The following HSPBAP1 variants were observed in gnomAD, a reference collection of about 807,000 sequenced individuals.
HSPBAP1 encodes HSPB1-associated protein 1.
In HSPBAP1, 27 loss-of-function variants were observed where a neutral mutation model predicts 45.2. That is an observed-to-expected ratio of 0.60 (90% CI 0.44 to 0.82). The LOEUF (loss-of-function observed/expected upper bound fraction) is 0.82, where lower values mean the gene tolerates loss of function less well. Among genes scored for constraint, HSPBAP1 ranks in the 40% least tolerant of loss-of-function variants. The pLI is 0.00. For synonymous variants in HSPBAP1, 204 were observed against 202.7 expected (o/e 1.01, Z -0.06); for missense variants, 510 against 590.9 (o/e 0.86, Z 1.42).
At position 122,753,587 on chromosome 3, in the gene HSPBAP1, C is replaced by A. The variant is rs7632312; in HGVS notation, c.742-913G>T. On this transcript the variant is annotated intron_variant, in intron 5 of 7. Transcript: ENST00000306103. ...AGAGTCAAGAAGGATGGCATCTATCCAGACTCAGTATGAGATTTCCTATTA... is the reference window on the plus strand; with the variant it reads ...AGAGTCAAGAAGGATGGCATCTATCAAGACTCAGTATGAGATTTCCTATTA... 9,036 of 984,084 alleles carry A rather than the reference C, an allele frequency of 9.2e-3. 634 individuals are homozygous for A. In the African/African-American group the frequency reaches 0.14, roughly 16 times the overall value. The allele number at this position is 984,084 out of a possible 1,614,324, so 61.0% of individuals were successfully genotyped here. A position where few individuals can be genotyped will look rare whatever the true frequency, so the allele number is the denominator to read the frequency against.
At chr3:122,780,610 C>A in intron 1 of HSPBAP1, among the ~76,000 whole-genome samples, 1 of 147,790 alleles carries the variant, frequency 6.8e-6, no homozygotes, top group Non-Finnish European at 1.5e-5. Context: ...GGGGCTGACC[C>A]CCCCACATCC....
intron 2 of HSPBAP1, among the ~76,000 whole-genome samples, chr3:122,772,877 G>C (rs1935050163): frequency 6.6e-6 from 1 of 151,640 alleles, no homozygotes; most frequent in Admixed American, 6.6e-5. Context: ...TTTATTTCTA[G>C]AGGCAGGGTC....
chr3:122,747,619 T>C (rs375217489), intron 6 of HSPBAP1, among the ~76,000 whole-genome samples: 9 of 130,724 alleles, frequency 6.9e-5, no homozygotes, highest in African/African-American at 2.0e-4. Flanking sequence ...CCGCCCCATC[T>C]GGGAGGGAGG....
chr3:122,784,843 A>C (rs1449305568), intron 1 of HSPBAP1, among the ~76,000 whole-genome samples: 1 of 152,256 alleles, frequency 6.6e-6, no homozygotes, highest in Non-Finnish European at 1.5e-5. Flanking sequence ...CACAGGCATC[A>C]TAACAATACC....
At chr3:122,756,628 T>C (rs1434105058) in intron 4 of HSPBAP1, among the ~76,000 whole-genome samples, 1 of 151,324 alleles carries the variant, frequency 6.6e-6, no homozygotes, top group Non-Finnish European at 1.5e-5. Context: ...AGCCCAGGAG[T>C]TCGAGGAAGC....
At chr3:122,765,114 T>C (rs1039385602) in intron 3 of HSPBAP1, among the ~76,000 whole-genome samples, 1 of 152,208 alleles carries the variant, frequency 6.6e-6, no homozygotes, top group African/African-American at 2.4e-5. Context: ...AGAATTAAGG[T>C]GTTTATCAAG....
chr3:122,747,660 G>T (rs372951823), intron 6 of HSPBAP1, among the ~76,000 whole-genome samples: 3 of 122,716 alleles, frequency 2.4e-5, no homozygotes, highest in Admixed American at 8.2e-5. Context: ...CCGGCCAGCC[G>T]CCCCGTCCGG....
intron 6 of HSPBAP1, among the ~76,000 whole-genome samples, chr3:122,746,768 TCGGC>T (rs1041731854): frequency 2.6e-5 from 4 of 152,062 alleles, no homozygotes; most frequent in African/African-American, 9.7e-5. Flanking sequence ...TTCTCCTGCC[TCGGC>T]CTGCCGAGTG....
intron 3 of HSPBAP1, among the ~76,000 whole-genome samples, chr3:122,764,631 T>C (rs1043524894): frequency 3.3e-5 from 5 of 152,206 alleles, no homozygotes; most frequent in African/African-American, 1.2e-4. Context: ...ATTAATCTTA[T>C]TATTTTTTAG....
At chr3:122,783,690 A>G (rs1935564091) in intron 1 of HSPBAP1, among the ~76,000 whole-genome samples, 1 of 152,202 alleles carries the variant, frequency 6.6e-6, no homozygotes, top group African/African-American at 2.4e-5. Flanking sequence ...AAGTTGGGTG[A>G]CTGCAGTTAA....
chr3:122,776,274 T>C (rs920133861), intron 2 of HSPBAP1, among the ~76,000 whole-genome samples: 12 of 152,262 alleles, frequency 7.9e-5, no homozygotes, highest in Non-Finnish European at 1.8e-4. Flanking sequence ...TTTTATGTTA[T>C]GTGGATTTTA....
At chr3:122,783,361 C>T (rs1425186159) in intron 1 of HSPBAP1, among the ~76,000 whole-genome samples, 1 of 152,202 alleles carries the variant, frequency 6.6e-6, no homozygotes, top group Non-Finnish European at 1.5e-5. Flanking sequence ...TGCACCAAAT[C>T]TTCCTGGACT....
At chr3:122,781,427 T>C (rs926159403) in intron 1 of HSPBAP1, among the ~76,000 whole-genome samples, 1 of 146,984 alleles carries the variant, frequency 6.8e-6, no homozygotes, top group African/African-American at 2.5e-5. Context: ...TGGCGGCGCG[T>C]GCCTGCAATC....
At chr3:122,753,098 G>A (rs1934217642) in intron 5 of HSPBAP1, 2 of 582,792 alleles carry the variant, frequency 3.4e-6, no homozygotes, top group East Asian at 1.5e-4. Context: ...GTATAGAAAG[G>A]TGGCATTATA....
intron 1 of HSPBAP1, among the ~76,000 whole-genome samples, chr3:122,781,185 T>C (rs1282890746): frequency 2.6e-5 from 4 of 151,224 alleles, no homozygotes; most frequent in African/African-American, 9.7e-5. Flanking sequence ...TCTCGGCACT[T>C]TGGGAGGCCA....
chr3:122,755,089 A>C (rs1934296049), intron 5 of HSPBAP1, 171 bp downstream of exon 5: 8 of 1,225,378 alleles, frequency 6.5e-6, no homozygotes, highest in East Asian at 3.2e-5. Context: ...GCAGAGGTGT[A>C]TGTGTCTGAA....
chr3:122,768,978 T>G, intron 2 of HSPBAP1, 96 bp from the exon 3 acceptor site: 1 of 923,094 alleles, frequency 1.1e-6, no homozygotes, highest in Non-Finnish European at 1.6e-6. Context: ...ACCAAAAAAT[T>G]AACTTTGAAG....
intron 2 of HSPBAP1, among the ~76,000 whole-genome samples, chr3:122,771,365 C>A (rs1392835456): frequency 1.3e-5 from 2 of 152,114 alleles, no homozygotes; most frequent in African/African-American, 4.8e-5. Flanking sequence ...TTTCATTTAA[C>A]GTTGAAGTAG....
Position 122,760,362 on chromosome 3 carries a change from CA to C in HSPBAP1, c.433-1003del, listed in dbSNP as rs1414503703. Among the ~76,000 whole-genome samples the C allele has an allele frequency of 8.4e-3, 1,152 of 137,398 alleles. 6 individuals are homozygous for C. Among genetic ancestry groups the C allele is most frequent in the African/African-American group, 0.025 (925 of 37,540 alleles). The allele number at this position is 137,398 out of a possible 152,430, so 90.1% of individuals were successfully genotyped here. On this transcript the variant is annotated intron_variant, in intron 3 of 7. Transcript: ENST00000306103. ...TCCTTTCAGTTTTAAAAAATAAAAG[CA>C]AAAAAAAAAACACCCCACTTCTATG...
Sources: allele counts gnomAD v4.1 joint callset (sites outside exome capture counted in the v4.1 genomes callset), GRCh38; gene constraint gnomAD v4.1.1; transcripts MANE v1.5; gene names NCBI Gene and HGNC (gene_info 2026-07-23, HGNC 2026-07-21).